The following SEC24D variants were observed in gnomAD, a reference collection of about 807,000 sequenced individuals.
SEC24D encodes protein transport protein Sec24D.
In SEC24D, 69 loss-of-function variants were observed where a neutral mutation model predicts 116.9. The ratio of observed to expected loss-of-function variants is 0.59; its 90% CI spans 0.49 to 0.72. The LOEUF is 0.72. Ranked by LOEUF, SEC24D falls within the 30% of genes least tolerant of loss-of-function variation. SEC24D has a pLI of 0.00. For missense variants in SEC24D, 1,131 were observed against 1,264.1 expected (o/e 0.89, Z 1.60); for synonymous variants, 405 against 442.8 (o/e 0.91, Z 1.07).
In SEC24D at chr4:118,740,515, T is replaced by C. The variant is rs553425530; in HGVS notation, c.2238+148A>G. On this transcript the variant is annotated intron_variant, in intron 17 of 22. Coordinates refer to ENST00000280551, the MANE Select transcript of SEC24D (RefSeq NM_014822.4). ...AGTATGGAGAAACCTCCCAACTGAG[T>C]GTTCTAATCTACTGACTTTTGACTT... 5.1e-5 allele frequency: 38 copies of C among 752,090 alleles called. No individual in the cohort carries two copies. In the East Asian group the frequency reaches 9.4e-4, roughly 19 times the overall value. 46.6% of individuals were successfully genotyped at this position (752,090 alleles called of 1,614,324 possible).
intron 11 of SEC24D, among the ~76,000 whole-genome samples, chr4:118,754,420 T>A (rs1263648336): frequency 2.0e-5 from 3 of 152,144 alleles, no homozygotes; most frequent in Non-Finnish European, 1.5e-5. Context: ...ATCTCCCCGA[T>A]GCTACCAATT....
At chr4:118,826,527 AAGT>A (rs1163845578) in intron 2 of SEC24D, among the ~76,000 whole-genome samples, 1 of 152,236 alleles carries the variant, frequency 6.6e-6, no homozygotes, top group Admixed American at 6.5e-5. Flanking sequence ...TTTTGGACAA[AAGT>A]AGGCAATTCA....
At chr4:118,741,120 A>G in intron 15 of SEC24D, 83 bp from the exon 16 acceptor site, 1 of 647,754 alleles carries the variant, frequency 1.5e-6, no homozygotes, top group Admixed American at 3.4e-5. Flanking sequence ...CCTGAGTTAT[A>G]ATAATTATTT....
chr4:118,829,449 C>A (rs1206250790), intron 2 of SEC24D, among the ~76,000 whole-genome samples: 1 of 152,108 alleles, frequency 6.6e-6, no homozygotes, highest in Non-Finnish European at 1.5e-5. Flanking sequence ...GAGTTCAAGG[C>A]TGCAGTGAGC....
Position 118,723,646 on chromosome 4 carries a change from C to T in SEC24D, c.2968G>A (p.Val990Ile), listed in dbSNP as rs1301683540. 3 of 1,600,834 alleles carry T rather than the reference C, an allele frequency of 1.9e-6. No individual in the cohort carries two copies. The highest frequency in any genetic ancestry group is 2.7e-5 in the African/African-American group (2 of 73,716). The change falls in exon 23 of 23, where the codon GTA becomes ATA. Residue 990 changes from valine to isoleucine, a missense_variant. Val to Ile is a conservative substitution (Grantham distance 29). Transcript: ENST00000280551. ...KRPYSMKLTI[V>I]KQREQPEMVF... is the part of the protein sequence containing the mutation. Reference sequence around the variant, plus strand: ...ATTTCTGGTTGTTCTCGCTGCTTTACAATTGTGAGCTAGGAAAAAAAAAAC... The same window carrying T: ...ATTTCTGGTTGTTCTCGCTGCTTTATAATTGTGAGCTAGGAAAAAAAAAAC...
At chr4:118,733,693 T>C (rs548363662) in intron 19 of SEC24D, among the ~76,000 whole-genome samples, 6 of 152,346 alleles carry the variant, frequency 3.9e-5, no homozygotes, top group Admixed American at 1.3e-4. Context: ...AGATGTGTCA[T>C]TAATGAATGA....
At chr4:118,732,052 G>C (rs1399930318) in intron 20 of SEC24D, among the ~76,000 whole-genome samples, 2 of 151,996 alleles carry the variant, frequency 1.3e-5, no homozygotes, top group Non-Finnish European at 2.9e-5. Context: ...AGGGGAGGGC[G>C]GGGCACACAG....
At chr4:118,802,863 T>C (rs999256271) in intron 7 of SEC24D, among the ~76,000 whole-genome samples, 6 of 152,136 alleles carry the variant, frequency 3.9e-5, no homozygotes. Flanking sequence ...AACAGATGAA[T>C]GGAAAACAAA....
At chr4:118,793,598 T>G (rs368288128) in intron 8 of SEC24D, among the ~76,000 whole-genome samples, 50 of 151,978 alleles carry the variant, frequency 3.3e-4, no homozygotes, top group African/African-American at 1.2e-3. Context: ...TAGGTCCAGC[T>G]ACATGCCCAA....
chr4:118,745,410 T>TAA (rs1403982880), intron 13 of SEC24D, among the ~76,000 whole-genome samples: 5 of 152,232 alleles, frequency 3.3e-5, no homozygotes, highest in African/African-American at 9.6e-5. Flanking sequence ...CAGGACCAGG[T>TAA]AAATCCCATA....
intron 8 of SEC24D, among the ~76,000 whole-genome samples, chr4:118,792,918 A>G (rs990348985): frequency 6.6e-6 from 1 of 152,196 alleles, no homozygotes; most frequent in Admixed American, 6.5e-5. Context: ...AAACAAAAAA[A>G]CATAATTTTG....
intron 3 of SEC24D, among the ~76,000 whole-genome samples, chr4:118,820,643 T>C (rs1730361787): frequency 6.8e-6 from 1 of 147,886 alleles, no homozygotes; most frequent in Admixed American, 7.1e-5. Flanking sequence ...AAAAAGAGCA[T>C]GTGAAATGGA....
At chr4:118,775,053 A>G (rs1209817154) in intron 8 of SEC24D, among the ~76,000 whole-genome samples, 3 of 152,152 alleles carry the variant, frequency 2.0e-5, no homozygotes, top group Non-Finnish European at 4.4e-5. Context: ...CAAGGGAGAA[A>G]TATATTTTGT....
At chr4:118,797,607 TGTA>T in intron 8 of SEC24D, 73 bp downstream of exon 8, 1 of 1,112,412 alleles carries the variant, frequency 9.0e-7, no homozygotes, top group Non-Finnish European at 1.3e-6. Context: ...TATAGAATAA[TGTA>T]TAAGAAAATT....
In SEC24D at chr4:118,744,162, G is replaced by T; in HGVS notation, c.1825-4C>A. On this transcript the variant is annotated splice_region_variant and splice_polypyrimidine_tract_variant and intron_variant, in intron 14 of 22. Transcript: ENST00000280551. ...TTGTTTGGGGCTGGAAAAGTATCTGGAAAAAAGATGCAAAAAAAAAGAAAA... is the reference window on the plus strand; with the variant it reads ...TTGTTTGGGGCTGGAAAAGTATCTGTAAAAAAGATGCAAAAAAAAAGAAAA... 1 of 1,520,306 alleles carries T rather than the reference G, an allele frequency of 6.6e-7. No individual in the cohort carries two copies. The highest frequency in any genetic ancestry group is 8.8e-7 in the Non-Finnish European group (1 of 1,132,148). The allele number at this position is 1,520,306 out of a possible 1,614,324, so 94.2% of individuals were successfully genotyped here. A position where few individuals can be genotyped will look rare whatever the true frequency, so the allele number is the denominator to read the frequency against.
chr4:118,771,905 C>G (rs1162603088), intron 8 of SEC24D, among the ~76,000 whole-genome samples: 2 of 152,036 alleles, frequency 1.3e-5, no homozygotes, highest in Non-Finnish European at 2.9e-5. Context: ...AAAGTACACA[C>G]AAATGCCATG....
At chr4:118,763,426 G>C (rs1337988890) in intron 10 of SEC24D, among the ~76,000 whole-genome samples, 1 of 152,136 alleles carries the variant, frequency 6.6e-6, no homozygotes, top group African/African-American at 2.4e-5. Context: ...ATACATGACT[G>C]CTCGCCTTGC....
chr4:118,747,975 C>G (rs1162002446), intron 13 of SEC24D, among the ~76,000 whole-genome samples: 1 of 152,086 alleles, frequency 6.6e-6, no homozygotes, highest in Non-Finnish European at 1.5e-5. Context: ...GTTAATATTA[C>G]CTATAGTAGG....
intron 6 of SEC24D, among the ~76,000 whole-genome samples, 197 bp from the exon 7 acceptor site, chr4:118,806,151 A>G (rs1339290526): frequency 6.6e-6 from 1 of 152,106 alleles, no homozygotes; most frequent in Non-Finnish European, 1.5e-5. Context: ...TTCAGATCAA[A>G]TTGTCATGGA....
Sources: allele counts gnomAD v4.1 joint callset (sites outside exome capture counted in the v4.1 genomes callset), GRCh38; gene constraint gnomAD v4.1.1; transcripts MANE v1.5; gene names NCBI Gene and HGNC (gene_info 2026-07-23, HGNC 2026-07-21).